ANKRD44: variants seen among roughly 807,000 people sequenced by gnomAD.
ANKRD44 encodes the protein ankyrin repeat domain 44.
A neutral mutation model predicts 116.0 loss-of-function variants in ANKRD44; 35 were observed. That is an observed-to-expected ratio of 0.30 (90% CI 0.23 to 0.40). The LOEUF (loss-of-function observed/expected upper bound fraction) is 0.40. ANKRD44 is among the 10% of genes least tolerant of loss of function. The probability of loss-of-function intolerance (pLI) is 1.00; values close to 1 mark genes in which losing one functional copy is unlikely to be tolerated. For missense variants in ANKRD44, 1,014 were observed against 1,242.6 expected, an observed-to-expected ratio of 0.82 and a Z score of 2.77; for synonymous variants, 435 against 461.8, an observed-to-expected ratio of 0.94 and a Z score of 0.74.
At chr2:197,136,376 C>A in intron 4 of ANKRD44, 2 of 570,360 alleles carry the variant, frequency 3.5e-6, no homozygotes, top group Non-Finnish European at 3.1e-6. Flanking sequence ...CAGGATCATG[C>A]TGTCCATGTT....
At chr2:197,129,892 C>T (rs976944158) in intron 4 of ANKRD44, among the ~76,000 whole-genome samples, 1 of 152,122 alleles carries the variant, frequency 6.6e-6, no homozygotes, top group Admixed American at 6.5e-5. Flanking sequence ...CAGCCATAAG[C>T]AATGTCAAGT....
chr2:197,310,690 A>AGGAG lies in ANKRD44; in HGVS notation c.-90_-87dup. On this transcript the variant is annotated 5_prime_UTR_variant, in exon 1 of 28. Transcript: ENST00000282272. ...AGCCGGGGAAGCGGAAGGGATTGCC[A>AGGAG]GGAGAAGGGAAAAAATCTGGCTCCC... The AGGAG allele has an allele frequency of 8.0e-7, 1 of 1,247,268 alleles. No homozygotes were observed. The highest frequency in any genetic ancestry group is 1.0e-6 in the Non-Finnish European group (1 of 969,524). 77.3% of individuals were successfully genotyped at this position (1,247,268 alleles called of 1,614,324 possible).
At chr2:197,105,634 A>T (rs190098377) in intron 9 of ANKRD44, among the ~76,000 whole-genome samples, 1 of 152,234 alleles carries the variant, frequency 6.6e-6, no homozygotes, top group Non-Finnish European at 1.5e-5. Flanking sequence ...TACTAATTTT[A>T]TAATCAGGAA....
Position 196,988,818 on chromosome 2 carries a change from G to C in ANKRD44, c.*773C>G, listed in dbSNP as rs1468146047. 4.1e-6 allele frequency: 4 copies of C among 985,268 alleles called. No individual in the cohort carries two copies. Among genetic ancestry groups the C allele is most frequent in the Non-Finnish European group, 4.8e-6 (4 of 829,940 alleles). The allele number at this position is 985,268 out of a possible 1,614,324, so 61.0% of individuals were successfully genotyped here. A position where few individuals can be genotyped will look rare whatever the true frequency, so the allele number is the denominator to read the frequency against. On this transcript the variant is annotated 3_prime_UTR_variant, in exon 28 of 28. Coordinates refer to ENST00000282272, the MANE Select transcript of ANKRD44 (RefSeq NM_001195144.2). ...CTTTTGGCACATGTGCCCACACACT[G>C]CCATCATTTCTCATCAGGTTACTGA...
intron 16 of ANKRD44, among the ~76,000 whole-genome samples, chr2:197,059,245 A>G (rs2077263050): frequency 6.6e-6 from 1 of 152,222 alleles, no homozygotes; most frequent in Non-Finnish European, 1.5e-5. Flanking sequence ...AATACAAAAA[A>G]GTATTAACTT....
chr2:197,297,431 A>C (rs1457728687), intron 1 of ANKRD44, among the ~76,000 whole-genome samples: 1 of 152,222 alleles, frequency 6.6e-6, no homozygotes, highest in African/African-American at 2.4e-5. Flanking sequence ...TGGTCTCTTT[A>C]ATGTGACAAA....
chr2:197,038,154 T>C (rs903919998), intron 16 of ANKRD44, among the ~76,000 whole-genome samples: 5 of 151,712 alleles, frequency 3.3e-5, no homozygotes, highest in Non-Finnish European at 5.9e-5. Flanking sequence ...CTCTGGGACT[T>C]TGGGTGATTT....
chr2:197,301,554 T>C (rs1021594687), intron 1 of ANKRD44: 4 of 152,214 alleles, frequency 2.6e-5, no homozygotes, highest in Non-Finnish European at 5.9e-5. Context: ...TATCTTTTCA[T>C]AGGGCAGAAA....
chr2:196,974,480 C>T (rs1385067219), intron 21 of ANKRD44, among the ~76,000 whole-genome samples: 2 of 152,018 alleles, frequency 1.3e-5, no homozygotes, highest in Non-Finnish European at 2.9e-5. Context: ...ATGCAATATA[C>T]CAAAACATCT....
rs532220451 is a variant in ANKRD44, at chr2:197,029,221, C to G, written c.1651-3954G>C. On this transcript the variant is annotated intron_variant, in intron 16 of 27. Transcript: ENST00000282272. The stretch of plus-strand genomic sequence containing the variant: ...TTCAATTCCCACCTATGAGTGGGAA[C>G]ATGCGGCATTTGGTTTTCTGTCCTT... 3 of 192,076 alleles carry G rather than the reference C, an allele frequency of 1.6e-5. No individual in the cohort carries two copies. The South Asian group carries it at 2.9e-4, about 19-fold the overall frequency. 11.9% of individuals were successfully genotyped at this position (192,076 alleles called of 1,614,324 possible). A position where few individuals can be genotyped will look rare whatever the true frequency, so the allele number is the denominator to read the frequency against.
chr2:197,030,603 G>A (rs934589322), intron 16 of ANKRD44, among the ~76,000 whole-genome samples: 1 of 152,158 alleles, frequency 6.6e-6, no homozygotes, highest in Non-Finnish European at 1.5e-5. Context: ...TCCTGATCAT[G>A]GGGCAGAGGC....
chr2:196,989,720 A>C, intron 27 of ANKRD44, 71 bp from the exon 28 acceptor site: 2 of 1,541,146 alleles, frequency 1.3e-6, no homozygotes, highest in Non-Finnish European at 1.8e-6. Context: ...AATCGGTTTT[A>C]CATGCTAAAT....
rs540133600 is a variant in ANKRD44, at chr2:197,148,345, C to CA, written c.112-1241dup. Among the ~76,000 whole-genome samples the CA allele has an allele frequency of 5.9e-5, 9 of 152,318 alleles. No homozygotes were observed. In the East Asian group the frequency reaches 1.7e-3, roughly 29 times the overall value. On this transcript the variant is annotated intron_variant, in intron 2 of 27. Transcript: ENST00000282272. ...TAAATTGGCTGAACTAACTAGTCTA[C>CA]ACGTATGGTTTCTTCCACTAACTTC...
rs376434344 is a variant in ANKRD44 at position 197,011,421 on chromosome 2, T to C, written c.1924+2090A>G. On this transcript the variant is annotated intron_variant, in intron 18 of 27. Transcript: ENST00000282272. ...TCTACAGTTGTGCTTTTGTTTTGTT[T>C]TGTTTTGTTTTTTGGTACAGTAGCT... Among the ~76,000 whole-genome samples, 17 of 152,246 alleles carry C rather than the reference T, an allele frequency of 1.1e-4. No individual in the cohort carries two copies. The East Asian group carries it at 2.9e-3, about 26-fold the overall frequency.
intron 9 of ANKRD44, among the ~76,000 whole-genome samples, chr2:197,110,264 C>T (rs1019363826): frequency 1.3e-5 from 2 of 152,204 alleles, no homozygotes; most frequent in Non-Finnish European, 2.9e-5. Flanking sequence ...AGACGTGAGC[C>T]ACCACGCCCA....
chr2:197,019,146 T>C (rs1012164714), intron 17 of ANKRD44, among the ~76,000 whole-genome samples: 4 of 152,212 alleles, frequency 2.6e-5, no homozygotes, highest in African/African-American at 9.6e-5. Context: ...ACCCTTTCTA[T>C]AGAAGACTCA....
intron 19 of ANKRD44, 95 bp downstream of exon 19, chr2:197,008,849 C>T (rs572624114): frequency 4.3e-5 from 47 of 1,084,414 alleles, no homozygotes; most frequent in African/African-American, 3.6e-4. Context: ...TCCAATTTCT[C>T]GGTTCCGCAG....
intron 1 of ANKRD44, among the ~76,000 whole-genome samples, chr2:197,286,357 C>T (rs1350756949): frequency 1.3e-5 from 2 of 148,618 alleles, no homozygotes; most frequent in African/African-American, 5.0e-5. Context: ...AATTTTTTAC[C>T]TACTTCTTCT....
chr2:197,177,393 C>T (rs2080391123), intron 2 of ANKRD44, among the ~76,000 whole-genome samples: 2 of 152,136 alleles, frequency 1.3e-5, no homozygotes, highest in African/African-American at 4.8e-5. Context: ...TCCAGCTAAT[C>T]CCATGAGAAG....
Sources: allele counts gnomAD v4.1 joint callset (sites outside exome capture counted in the v4.1 genomes callset), GRCh38; gene constraint gnomAD v4.1.1; transcripts MANE v1.5; gene names NCBI Gene and HGNC (gene_info 2026-07-23, HGNC 2026-07-21).